ITPRID2: variants seen among roughly 807,000 people sequenced by gnomAD.
The protein encoded by ITPRID2 is ITPR interacting domain containing 2.
A neutral mutation model predicts 124.3 loss-of-function variants in ITPRID2; 60 were observed. The observed-to-expected ratio is 0.48, with a 90% CI of 0.39 to 0.60. The LOEUF (loss-of-function observed/expected upper bound fraction) is 0.60. ITPRID2 is among the 20% of genes least tolerant of loss of function. The pLI is 0.00. For missense variants in ITPRID2, 1,553 were observed against 1,512.2 expected (o/e 1.03, Z -0.45); for synonymous variants, 521 against 542.9 (o/e 0.96, Z 0.56).
intron 10 of ITPRID2, among the ~76,000 whole-genome samples, chr2:181,914,661 G>A (rs1278187062): frequency 2.6e-5 from 4 of 152,210 alleles, no homozygotes; most frequent in Non-Finnish European, 5.9e-5. Flanking sequence ...GATAGCTTAA[G>A]AGTGAGGGGT....
At chr2:181,916,585 C>A in intron 11 of ITPRID2, 158 bp downstream of exon 11, 1 of 994,158 alleles carries the variant, frequency 1.0e-6, no homozygotes, top group Non-Finnish European at 1.4e-6. Context: ...TTTCTATCTT[C>A]CCTCCTGTTT....
rs751480153 is a variant in ITPRID2 at position 181,899,117 on chromosome 2, C to T, written c.503+5C>T. Reference sequence around the variant, plus strand: ...AAGTAGTGGGACAGTTTCAAGGTAACTTATTCTGAAATTGTGTTGGAATTA... The same window carrying T: ...AAGTAGTGGGACAGTTTCAAGGTAATTTATTCTGAAATTGTGTTGGAATTA... On this transcript the variant is annotated splice_donor_5th_base_variant and intron_variant, in intron 6 of 17. Transcript: ENST00000431877. 3 of 1,579,906 alleles carry T rather than the reference C, an allele frequency of 1.9e-6. No homozygotes were observed. In the Admixed American group the frequency reaches 5.5e-5, roughly 29 times the overall value.
At chr2:181,916,776 A>C in intron 11 of ITPRID2, 1 of 942,892 alleles carries the variant, frequency 1.1e-6, no homozygotes, top group Non-Finnish European at 1.3e-6. Context: ...CTTCCCTCTT[A>C]AAGTTCTTTC....
In ITPRID2 at chr2:181,900,869, G is replaced by A. The variant is rs1422833731; in HGVS notation, c.677G>A (p.Arg226Gln). ...IKVFLSAQMQ[R>Q]MEVENPNYAL... is the part of the protein sequence containing the mutation. ...GTATTTTTGAGTGCTCAGATGCAAC[G>A]GATGGAAGTAGAAAACCCAAATTAT... The change falls in exon 7 of 18, where the codon CGG (arginine) becomes CAG (glutamine). Residue 226 changes from arginine to glutamine, a missense_variant. By Grantham distance (43) the Arg-to-Gln change is conservative. Coordinates refer to ENST00000431877, the MANE Select transcript of ITPRID2 (RefSeq NM_001130445.3). The A allele has an allele frequency of 6.8e-6, 11 of 1,611,314 alleles. No individual in the cohort carries two copies. The highest frequency in any genetic ancestry group is 2.2e-5 in the East Asian group (1 of 44,742).
intron 15 of ITPRID2, among the ~76,000 whole-genome samples, chr2:181,921,132 T>C (rs1050951532): frequency 3.3e-5 from 5 of 151,930 alleles, no homozygotes; most frequent in Non-Finnish European, 7.4e-5. Context: ...TACAGTGAGC[T>C]ATGATTGTGC....
Position 181,922,427 on chromosome 2 carries a change from T to A in ITPRID2, c.3675+15T>A. 1.3e-6 allele frequency: 2 copies of A among 1,579,648 alleles called. No homozygotes were observed. Among genetic ancestry groups the A allele is most frequent in the African/African-American group, 2.7e-5 (2 of 73,720 alleles). ...TCATACGGGAGGTGGGTAAAATCTG[T>A]GTTTCATTCATTTATTTGGAGGTAT... On this transcript the variant is annotated intron_variant, in intron 16 of 17. Coordinates refer to ENST00000431877, the MANE Select transcript of ITPRID2 (RefSeq NM_001130445.3).
At chr2:181,928,469 A>G (rs1695027489) in intron 17 of ITPRID2, among the ~76,000 whole-genome samples, 191 bp downstream of exon 17, 1 of 152,298 alleles carries the variant, frequency 6.6e-6, no homozygotes, top group East Asian at 1.9e-4. Flanking sequence ...CCATAATACA[A>G]ATCTCCAAGG....
At chr2:181,909,517 G>A (rs1192107202) in intron 8 of ITPRID2, among the ~76,000 whole-genome samples, 1 of 152,096 alleles carries the variant, frequency 6.6e-6, no homozygotes, top group Non-Finnish European at 1.5e-5. Flanking sequence ...TTTGAATGAA[G>A]CAGTTATTAA....
intron 8 of ITPRID2, 105 bp from the exon 9 acceptor site, chr2:181,909,794 G>T: frequency 1.4e-6 from 1 of 693,356 alleles, no homozygotes; most frequent in Non-Finnish European, 2.4e-6. Flanking sequence ...ATAATGTTTT[G>T]GTGCACTTGA....
At chr2:181,901,702 T>G in intron 7 of ITPRID2, 64 bp from the exon 8 acceptor site, 1 of 1,123,408 alleles carries the variant, frequency 8.9e-7, no homozygotes, top group Non-Finnish European at 1.2e-6. Context: ...ATAATATGCA[T>G]TTAATATATG....
chr2:181,928,086 AT>A, intron 16 of ITPRID2, 74 bp from the exon 17 acceptor site: 1 of 988,474 alleles, frequency 1.0e-6, no homozygotes, highest in Non-Finnish European at 1.5e-6. Flanking sequence ...TGCTATTTGT[AT>A]TTTTTCCAAA....
At position 181,929,923 on chromosome 2, in the gene ITPRID2, T is replaced by TA; in HGVS notation, c.*376_*377insA. The TA allele has an allele frequency of 4.3e-6, 1 of 233,964 alleles. No homozygotes were observed. The highest frequency in any genetic ancestry group is 5.5e-5 in the Admixed American group (1 of 18,080). 14.5% of individuals were successfully genotyped at this position (233,964 alleles called of 1,614,324 possible). On this transcript the variant is annotated 3_prime_UTR_variant, in exon 18 of 18. Coordinates refer to ENST00000431877, the MANE Select transcript of ITPRID2 (RefSeq NM_001130445.3). ...TAACATCTTAAAACACTGACCTCTA[T>TA]GAGGTATTTACTGTGCAATAACTGA...
At chr2:181,898,698 C>T (rs1692410688) in intron 4 of ITPRID2, among the ~76,000 whole-genome samples, 182 bp from the exon 5 acceptor site, 1 of 152,022 alleles carries the variant, frequency 6.6e-6, no homozygotes, top group East Asian at 1.9e-4. Context: ...AAGCTCCTGG[C>T]CCTGTTCTTA....
intron 2 of ITPRID2, chr2:181,894,754 T>C (rs1464796831): frequency 6.6e-6 from 1 of 152,128 alleles, no homozygotes; most frequent in African/African-American, 2.4e-5. Context: ...ACTGCTTGAA[T>C]TAACATTTAA....
intron 8 of ITPRID2, among the ~76,000 whole-genome samples, chr2:181,908,498 A>G (rs536365974): frequency 5.3e-5 from 8 of 152,226 alleles, no homozygotes; most frequent in Non-Finnish European, 1.2e-4. Context: ...ATACAAGACA[A>G]TGGTTTTCCT....
chr2:181,900,290 A>G (rs1328233517), intron 6 of ITPRID2, among the ~76,000 whole-genome samples: 1 of 152,186 alleles, frequency 6.6e-6, no homozygotes, highest in Non-Finnish European at 1.5e-5. Flanking sequence ...AAAAGCTCAA[A>G]TTTCACAAAA....
At chr2:181,927,724 G>A (rs1262409787) in intron 16 of ITPRID2, among the ~76,000 whole-genome samples, 1 of 152,128 alleles carries the variant, frequency 6.6e-6, no homozygotes, top group Non-Finnish European at 1.5e-5. Flanking sequence ...GCATAAACAG[G>A]CAGTATACCT....
At chr2:181,918,925 A>G (rs1559012853) in intron 13 of ITPRID2, 43 bp downstream of exon 13, 3 of 1,598,240 alleles carry the variant, frequency 1.9e-6, no homozygotes, top group Non-Finnish European at 1.7e-6. Flanking sequence ...AAAGCTTTTC[A>G]TTCAAAGTCT....
chr2:181,893,371 A>G (rs375046091), intron 2 of ITPRID2: 12 of 152,338 alleles, frequency 7.9e-5, no homozygotes, highest in African/African-American at 2.6e-4. Context: ...AAAATCAGGA[A>G]TGTAGCCTTT....
Sources: gnomAD v4.1 joint callset for allele counts (sites outside exome capture counted in the v4.1 genomes callset) on GRCh38, gnomAD v4.1.1 for gene constraint, MANE v1.5 for transcripts, NCBI Gene and HGNC (gene_info 2026-07-23, HGNC 2026-07-21) for gene names.